Variants in CFAP97 observed in about 807,000 individuals in gnomAD.
CFAP97 encodes the protein cilia- and flagella-associated protein 97.
Under a neutral mutation model 43.1 loss-of-function variants are expected in CFAP97, and 36 were observed. That is an observed-to-expected ratio of 0.84 (90% CI 0.64 to 1.10). The LOEUF (loss-of-function observed/expected upper bound fraction) is 1.10, where lower values mean the gene tolerates loss of function less well. Among genes scored for constraint, CFAP97 ranks in the 50% least tolerant of loss-of-function variants. The probability of loss-of-function intolerance (pLI) is 0.00; values close to 1 mark genes in which losing one functional copy is unlikely to be tolerated. For synonymous variants in CFAP97, 228 were observed against 225.7 expected, an observed-to-expected ratio of 1.01 and a Z score of -0.09; for missense variants, 657 against 620.3, an observed-to-expected ratio of 1.06 and a Z score of -0.63.
intron 1 of CFAP97, among the ~76,000 whole-genome samples, chr4:185,193,628 G>A (rs78917281): frequency 0.013 from 1,996 of 152,218 alleles, 28 homozygotes; most frequent in Middle Eastern, 0.027. Flanking sequence ...CAGCCCAGAC[G>A]ACAATATGAG....
rs982754782 is a variant in CFAP97 at position 185,164,244 on chromosome 4, C to T, written c.1321-65G>A. The T allele has an allele frequency of 7.1e-6, 10 of 1,402,802 alleles. No homozygotes were observed. In the Admixed American group the frequency reaches 8.4e-5, roughly 12 times the overall value. 86.9% of individuals were successfully genotyped at this position (1,402,802 alleles called of 1,614,324 possible). A position where few individuals can be genotyped will look rare whatever the true frequency, so the allele number is the denominator to read the frequency against. On this transcript the variant is annotated intron_variant, in intron 3 of 4. Transcript: ENST00000458385. ...AGCAATCATTTTTAACAAGGCAATA[C>T]ATTCTAGAGCCTGACATTCACTTTC...
rs562368910 is a variant in CFAP97, at chr4:185,174,825, T to C, written c.1320+961A>G. On this transcript the variant is annotated intron_variant, in intron 3 of 4. Coordinates refer to ENST00000458385, the MANE Select transcript of CFAP97 (RefSeq NM_020827.3). The stretch of plus-strand genomic sequence containing the variant: ...ATTCAATAAGTTAATATTTGGAAGA[T>C]ACTCAGAACAATGCCTAGTGTTTAG... Among the ~76,000 whole-genome samples, 93 of 152,350 alleles carry C rather than the reference T, an allele frequency of 6.1e-4. 1 individual carries two copies. The highest frequency in any genetic ancestry group is 3.4e-3 in the Middle Eastern group (1 of 294).
At chr4:185,175,120 G>C (rs967067211) in intron 3 of CFAP97, among the ~76,000 whole-genome samples, 1 of 152,146 alleles carries the variant, frequency 6.6e-6, no homozygotes, top group African/African-American at 2.4e-5. Context: ...GATTTCACTA[G>C]TGACTGAATA....
At chr4:185,206,532 G>A (rs917276129), upstream of CFAP97, among the ~76,000 whole-genome samples, 2 of 151,890 alleles carry the variant, frequency 1.3e-5, no homozygotes, top group Non-Finnish European at 2.9e-5. Flanking sequence ...GCTGATGCAT[G>A]CCTGTAATCC....
At chr4:185,164,588 C>T (rs2111312121) in intron 3 of CFAP97, among the ~76,000 whole-genome samples, 1 of 152,228 alleles carries the variant, frequency 6.6e-6, no homozygotes, top group African/African-American at 2.4e-5. Flanking sequence ...CTGGTTGGGC[C>T]AGTAAAGCCC....
intron 3 of CFAP97, among the ~76,000 whole-genome samples, chr4:185,165,033 C>A (rs1198953693): frequency 6.6e-6 from 1 of 152,216 alleles, no homozygotes; most frequent in Non-Finnish European, 1.5e-5. Context: ...ACTAGCCCAG[C>A]TATGCTTTCT....
intron 2 of CFAP97, among the ~76,000 whole-genome samples, chr4:185,176,423 T>C (rs145868420): frequency 6.6e-6 from 1 of 152,188 alleles, no homozygotes; most frequent in East Asian, 1.9e-4. Context: ...CGGTGGTACA[T>C]GCTTTAACCC....
chr4:185,173,427 G>A (rs1735388215), intron 3 of CFAP97, among the ~76,000 whole-genome samples: 1 of 149,832 alleles, frequency 6.7e-6, no homozygotes, highest in Admixed American at 6.7e-5. Flanking sequence ...ATTACCATAT[G>A]ACCCAGGAAT....
Position 185,190,193 on chromosome 4 carries a change from T to G in CFAP97, c.1004A>C (p.His335Pro), listed in dbSNP as rs142184332. 4.2e-4 allele frequency: 681 copies of G among 1,606,198 alleles called. 2 individuals carry two copies. In the African/African-American group the frequency reaches 8.2e-3, roughly 19 times the overall value. Residue 335 changes from histidine (H) to proline (P), a missense_variant, in exon 2 of 5, where the codon CAT becomes CCT. Physicochemically the swap from His to Pro is moderately conservative, Grantham distance 77 (BLOSUM62 -2). Transcript: ENST00000458385. Reference protein sequence around the residue: ...SVLDSSLDHRHKQKVLHDTMD... With the variant: ...SVLDSSLDHRPKQKVLHDTMD... ...TGTGTCATGTAAGACTTTCTGTTTA[T>G]GTCTGTGGTCTAAACTGGAGTCTAA...
At chr4:185,192,990 T>C (rs969152653) in intron 1 of CFAP97, among the ~76,000 whole-genome samples, 3 of 152,066 alleles carry the variant, frequency 2.0e-5, no homozygotes, top group Non-Finnish European at 4.4e-5. Context: ...TCCGCCCACC[T>C]CGGCCTCCCA....
At position 185,160,232 on chromosome 4, in the gene CFAP97, A is replaced by C. The variant is rs574234261; in HGVS notation, c.*2566T>G. On this transcript the variant is annotated 3_prime_UTR_variant, in exon 5 of 5. Transcript: ENST00000458385. ...ACTTTAATAGTTAAAAAACTTTCGT[A>C]GAATCTTACTAAAAAGGAGGCAACA... 1 of 152,382 alleles carries C rather than the reference A, an allele frequency of 6.6e-6. No individual in the cohort carries two copies. The highest frequency in any genetic ancestry group is 2.4e-5 in the African/African-American group (1 of 41,594). The allele number at this position is 152,382 out of a possible 1,614,324, so 9.4% of individuals were successfully genotyped here.
intron 4 of CFAP97, 42 bp from the exon 5 acceptor site, chr4:185,162,967 C>T (rs1734924697): frequency 6.1e-6 from 9 of 1,481,670 alleles, no homozygotes; most frequent in Non-Finnish European, 8.0e-6. Context: ...AACTTCTCCT[C>T]ACTTGAAGTC....
intron 3 of CFAP97, chr4:185,169,142 G>C (rs569264581): frequency 1.3e-5 from 2 of 152,322 alleles, no homozygotes; most frequent in South Asian, 4.1e-4. Flanking sequence ...AGATGAGTAA[G>C]TTCTGGAGAT....
intron 3 of CFAP97, chr4:185,169,548 G>A (rs1218612034): frequency 1.1e-6 from 1 of 901,526 alleles, no homozygotes; most frequent in East Asian, 1.2e-4. Flanking sequence ...CTTTACAGCA[G>A]TATGAAAATG....
At chr4:185,176,642 T>A (rs536282611) in intron 2 of CFAP97, among the ~76,000 whole-genome samples, 1 of 152,258 alleles carries the variant, frequency 6.6e-6, no homozygotes, top group Non-Finnish European at 1.5e-5. Flanking sequence ...TTACAGACAA[T>A]GCCTTTGTTA....
chr4:185,198,909 G>A (rs1215025997), intron 1 of CFAP97, among the ~76,000 whole-genome samples: 2 of 152,140 alleles, frequency 1.3e-5, no homozygotes, highest in African/African-American at 2.4e-5. Context: ...CAGTGCAGAC[G>A]AAACAGCCTT....
intron 2 of CFAP97, among the ~76,000 whole-genome samples, chr4:185,176,644 C>T (rs1735557020): frequency 1.3e-5 from 2 of 152,048 alleles, no homozygotes; most frequent in Admixed American, 1.3e-4. Context: ...ACAGACAATG[C>T]CTTTGTTATA....
At position 185,190,802 on chromosome 4, in the gene CFAP97, T is replaced by C; in HGVS notation, c.395A>G (p.Tyr132Cys). ...ATCACTGCTTTCCTCTCCATCTGTG[T>C]AGTAATCATCTTCACCTTCTTTTAC... ...KIVKEGEDDYYTDGEESSDDG... is the reference protein window; with the variant it reads ...KIVKEGEDDYCTDGEESSDDG... Residue 132 changes from tyrosine (Y) to cysteine (C), a missense_variant, in exon 2 of 5, where the codon TAC (tyrosine) becomes TGC (cysteine). Physicochemically the swap from Tyr to Cys is radical, Grantham distance 194. Coordinates refer to ENST00000458385, the MANE Select transcript of CFAP97 (RefSeq NM_020827.3). 2 of 1,607,830 alleles carry C rather than the reference T, an allele frequency of 1.2e-6. No homozygotes were observed. The highest frequency in any genetic ancestry group is 1.7e-6 in the Non-Finnish European group (2 of 1,176,518).
Position 185,191,184 on chromosome 4 carries a change from C to T in CFAP97, c.13G>A (p.Gly5Arg). 1.9e-6 allele frequency: 3 copies of T among 1,549,262 alleles called. No individual in the cohort carries two copies. Among genetic ancestry groups the T allele is most frequent in the Non-Finnish European group, 2.6e-6 (3 of 1,155,236 alleles). The change falls in exon 2 of 5, where the codon GGA (glycine) becomes AGA (arginine). Residue 5 changes from glycine (G) to arginine (R), a missense_variant. Coordinates refer to ENST00000458385, the MANE Select transcript of CFAP97 (RefSeq NM_020827.3). ...TCCACTTCACCTTCTAATATATCTC[C>T]AAACTGATCCATGATGGCAAAAATA... MDQF[G>R]DILEGEVDHS...
Sources: allele counts gnomAD v4.1 joint callset (sites outside exome capture counted in the v4.1 genomes callset), GRCh38; gene constraint gnomAD v4.1.1; transcripts MANE v1.5; gene names NCBI Gene and HGNC (gene_info 2026-07-23, HGNC 2026-07-21).